RABL3: variants seen among roughly 807,000 people sequenced by gnomAD.
RABL3 encodes RAB, member of RAS oncogene family like 3.
RABL3 carries 31 observed loss-of-function variants against 31.8 expected under a neutral mutation model. The observed-to-expected ratio is 0.97, with a 90% CI of 0.73 to 1.31. The LOEUF is 1.31. RABL3 is among the 40% of genes most tolerant of loss of function. The pLI is 0.00. For missense variants in RABL3, 263 were observed against 279.6 expected, an observed-to-expected ratio of 0.94 and a Z score of 0.42; for synonymous variants, 97 against 99.9, an observed-to-expected ratio of 0.97 and a Z score of 0.18.
chr3:120,689,933 G>C (rs1465443857), intron 7 of RABL3, 45 bp from the exon 8 acceptor site: 1 of 1,443,326 alleles, frequency 6.9e-7, no homozygotes, highest in Non-Finnish European at 9.7e-7. Context: ...AGCAATAAAA[G>C]TTCAAATACT....
chr3:120,719,936 A>G (rs1708717239), intron 2 of RABL3, among the ~76,000 whole-genome samples: 1 of 152,218 alleles, frequency 6.6e-6, no homozygotes. Context: ...GACACCCCCC[A>G]GTAGGGGCAG....
chr3:120,688,161 G>A lies in RABL3; in HGVS notation c.*1662C>T, dbSNP rs1708336600. ...AATTTTTTTAAAATTAAAAGAAAGA[G>A]GAAGAAAGAAGGAAGGAAGATTTAT... On this transcript the variant is annotated 3_prime_UTR_variant, in exon 8 of 8. Transcript: ENST00000273375. 1 of 152,558 alleles carries A rather than the reference G, an allele frequency of 6.6e-6. No homozygotes were observed. Among genetic ancestry groups the A allele is most frequent in the African/African-American group, 2.4e-5 (1 of 41,502 alleles). 9.5% of individuals were successfully genotyped at this position (152,558 alleles called of 1,614,324 possible). A position where few individuals can be genotyped will look rare whatever the true frequency, so the allele number is the denominator to read the frequency against.
At chr3:120,727,779 T>G (rs9985346) in intron 2 of RABL3, among the ~76,000 whole-genome samples, 30,963 of 152,102 alleles carry the variant, frequency 0.2, 3,595 homozygotes, top group East Asian at 0.36. Flanking sequence ...ATTGCAAGGT[T>G]GGTTTAACAT....
chr3:120,696,175 T>A (rs182963508), intron 5 of RABL3, among the ~76,000 whole-genome samples: 7 of 152,348 alleles, frequency 4.6e-5, no homozygotes, highest in Admixed American at 3.3e-4. Flanking sequence ...ATTTAAACAA[T>A]TTGCATGTAT....
At chr3:120,735,703 C>A (rs1032646647) in intron 1 of RABL3, among the ~76,000 whole-genome samples, 1 of 152,190 alleles carries the variant, frequency 6.6e-6, no homozygotes, top group African/African-American at 2.4e-5. Context: ...TTTCCCTCTA[C>A]ACACTGCTTT....
intron 1 of RABL3, among the ~76,000 whole-genome samples, chr3:120,731,820 G>C (rs1028606571): frequency 6.6e-6 from 1 of 152,166 alleles, no homozygotes; most frequent in African/African-American, 2.4e-5. Context: ...GGGAGGCTGA[G>C]GCAGGAGGAT....
chr3:120,712,940 G>A (rs1162038092), intron 2 of RABL3, among the ~76,000 whole-genome samples: 1 of 151,964 alleles, frequency 6.6e-6, no homozygotes, highest in African/African-American at 2.4e-5. Flanking sequence ...TGAAACTTCT[G>A]GGATGGGGCT....
chr3:120,697,707 G>A (rs1279210434), intron 5 of RABL3, among the ~76,000 whole-genome samples: 1 of 152,158 alleles, frequency 6.6e-6, no homozygotes, highest in Non-Finnish European at 1.5e-5. Flanking sequence ...AGCACTCCTA[G>A]TTTAAGGTTT....
rs545349867 is a variant in RABL3, at chr3:120,686,352, A to G, written c.*3471T>C. ...CATCTAGTAACCCATACAAGGTCCT[A>G]CCTATGGTGGGTGCTACTGCAAACT... is the stretch of plus-strand genomic sequence containing the variant. On this transcript the variant is annotated 3_prime_UTR_variant, in exon 8 of 8. Coordinates refer to ENST00000273375, the MANE Select transcript of RABL3 (RefSeq NM_173825.5). Among the ~76,000 whole-genome samples, 10 of 152,322 alleles carry G rather than the reference A, an allele frequency of 6.6e-5. No individual in the cohort carries two copies. The East Asian group carries it at 1.5e-3, about 23-fold the overall frequency.
intron 1 of RABL3, among the ~76,000 whole-genome samples, chr3:120,735,466 T>C (rs1325160135): frequency 1.3e-5 from 2 of 152,174 alleles, no homozygotes; most frequent in Admixed American, 6.5e-5. Flanking sequence ...TAGTGGTCTA[T>C]CAATTTTGTT....
At chr3:120,698,291 C>T (rs949793376) in intron 5 of RABL3, 132 bp downstream of exon 5, 14 of 833,460 alleles carry the variant, frequency 1.7e-5, no homozygotes, top group Admixed American at 9.7e-5. Flanking sequence ...ATCTTGACTA[C>T]GTTTAGACTA....
intron 2 of RABL3, chr3:120,722,366 C>T (rs773220955): frequency 6.6e-6 from 1 of 152,166 alleles, no homozygotes; most frequent in Non-Finnish European, 1.5e-5. Flanking sequence ...AAGCCAACCT[C>T]ATAACCTCTA....
At chr3:120,702,560 C>CTTTCT (rs1708504251) in intron 4 of RABL3, among the ~76,000 whole-genome samples, 2 of 140,960 alleles carry the variant, frequency 1.4e-5, no homozygotes, top group East Asian at 2.1e-4. Context: ...GGAAATTTTT[C>CTTTCT]TTTTTTTTTT....
chr3:120,737,691 A>G (rs114056568), intron 1 of RABL3, among the ~76,000 whole-genome samples: 3,240 of 152,092 alleles, frequency 0.021, 55 homozygotes, highest in Middle Eastern at 0.054. Context: ...AGTCGGACAG[A>G]TGGGGTTTTG....
At chr3:120,709,431 C>T (rs1424358977) in intron 3 of RABL3, among the ~76,000 whole-genome samples, 1 of 152,020 alleles carries the variant, frequency 6.6e-6, no homozygotes, top group East Asian at 1.9e-4. Flanking sequence ...GACTATGGGA[C>T]TCCTATGGTC....
chr3:120,688,570 T>G lies in RABL3; in HGVS notation c.*1253A>C, dbSNP rs1320271189. The G allele has an allele frequency of 6.6e-6, 1 of 152,216 alleles. No individual in the cohort carries two copies. Among genetic ancestry groups the G allele is most frequent in the African/African-American group, 2.4e-5 (1 of 41,456 alleles). The allele number at this position is 152,216 out of a possible 1,614,324, so 9.4% of individuals were successfully genotyped here. ...GTGAATTTGGTGTTTTCCACCTATT[T>G]TTTAAATGAGAAATGAAAACTGTAT... On this transcript the variant is annotated 3_prime_UTR_variant, in exon 8 of 8. Transcript: ENST00000273375.
At chr3:120,694,111 T>C (rs1708409653) in intron 6 of RABL3, 42 bp downstream of exon 6, 1 of 1,319,668 alleles carries the variant, frequency 7.6e-7, no homozygotes, top group African/African-American at 1.5e-5. Context: ...ACTCTCATAA[T>C]ATATAAATTA....
chr3:120,694,184 T>C lies in RABL3; in HGVS notation c.575A>G (p.Asn192Ser). ...NPRYLAAGSS[N>S]AVKLSRFFDK... is the part of the protein sequence containing the mutation. ...AAAAAACCTACTGAGCTTGACAGCATTGGAAGAACCTGCAGCTAAGTACCG... is the reference window on the plus strand; with the variant it reads ...AAAAAACCTACTGAGCTTGACAGCACTGGAAGAACCTGCAGCTAAGTACCG... Residue 192 changes from asparagine to serine, a missense_variant, in exon 6 of 8, where the codon AAT becomes AGT. Physicochemically the swap from Asn to Ser is conservative, Grantham distance 46 (BLOSUM62 1). Transcript: ENST00000273375. 3 of 1,611,106 alleles carry C rather than the reference T, an allele frequency of 1.9e-6. No homozygotes were observed. Among genetic ancestry groups the C allele is most frequent in the Non-Finnish European group, 2.5e-6 (3 of 1,177,732 alleles).
intron 2 of RABL3, among the ~76,000 whole-genome samples, chr3:120,718,843 C>G (rs146042874): frequency 6.6e-6 from 1 of 152,232 alleles, no homozygotes; most frequent in African/African-American, 2.4e-5. Context: ...AAATAGTCTT[C>G]GAGGTACAAT....
Sources: allele counts gnomAD v4.1 joint callset (sites outside exome capture counted in the v4.1 genomes callset), GRCh38; gene constraint gnomAD v4.1.1; transcripts MANE v1.5; gene names NCBI Gene and HGNC (gene_info 2026-07-23, HGNC 2026-07-21).